ZNF865: variants seen among roughly 807,000 people sequenced by gnomAD.
The protein encoded by ZNF865 is zinc finger protein 865.
For synonymous variants in ZNF865, 763 were observed against 750.8 expected, an observed-to-expected ratio of 1.02 and a Z score of -0.27; for missense variants, 1,311 against 1,593.4, an observed-to-expected ratio of 0.82 and a Z score of 3.02.
At chr19:55,608,389 G>A (rs1422799728) in intron 1 of ZNF865, among the ~76,000 whole-genome samples, 7 of 146,212 alleles carry the variant, frequency 4.8e-5, no homozygotes, top group Admixed American at 7.0e-5. Context: ...ATCTTAGCTC[G>A]CTGCAACCTC....
intron 1 of ZNF865, among the ~76,000 whole-genome samples, chr19:55,608,915 ATT>A: frequency 6.6e-6 from 1 of 152,096 alleles, no homozygotes; most frequent in Non-Finnish European, 1.5e-5. Flanking sequence ...GTCCTCCTTC[ATT>A]TTGGAGGGAG....
Position 55,613,974 on chromosome 19 carries a change from C to T in ZNF865, c.356C>T (p.Ala119Val), listed in dbSNP as rs1442751098. The T allele has an allele frequency of 2.6e-6, 4 of 1,528,376 alleles. No homozygotes were observed. The highest frequency in any genetic ancestry group is 3.5e-6 in the Non-Finnish European group (4 of 1,143,172). 94.7% of individuals were successfully genotyped at this position (1,528,376 alleles called of 1,614,324 possible). Residue 119 changes from alanine to valine, a missense_variant, in exon 2 of 2, where the codon GCC becomes GTC. Ala to Val is a moderately conservative substitution (Grantham distance 64). Transcript: ENST00000568956. ...TCTTCGTCCTCTTCCTCTTCCCAAG[C>T]CAAGAAGCCCGATCCGCCCCTGCCG... ...SSSSSSSSSQ[A>V]KKPDPPLPPA...
In ZNF865 at chr19:55,611,890, G is replaced by A. The variant is rs1488306528; in HGVS notation, c.-26-1703G>A. Among the ~76,000 whole-genome samples, 1 of 152,202 alleles carries A rather than the reference G, an allele frequency of 6.6e-6. No individual in the cohort carries two copies. The highest frequency in any genetic ancestry group is 1.5e-5 in the Non-Finnish European group (1 of 68,044). Reference sequence around the variant, plus strand: ...CGGAGATCAGTTACGGGTGCTGAGGGTCTGGTGTGGTGTGGGGTACACACA... The same window carrying A: ...CGGAGATCAGTTACGGGTGCTGAGGATCTGGTGTGGTGTGGGGTACACACA... On this transcript the variant is annotated intron_variant, in intron 1 of 1. Transcript: ENST00000568956. This position sits in a 1 kb window ranked among gnomAD's most constrained non-coding sequence, Gnocchi z 4.5.
At position 55,615,614 on chromosome 19, in the gene ZNF865, G is replaced by A; in HGVS notation, c.1996G>A (p.Gly666Arg). Residue 666 changes from glycine to arginine, a missense_variant, in exon 2 of 2, where the codon GGG (glycine) becomes AGG (arginine). Gly to Arg is a moderately radical substitution (Grantham distance 125). Transcript: ENST00000568956. ...ASGTSAGPTDGLSYACSDCGE... is the reference protein window; with the variant it reads ...ASGTSAGPTDRLSYACSDCGE... ...GGGCACGTCTGCAGGGCCCACCGAT[G>A]GGCTGAGCTACGCCTGCTCGGACTG... The A allele has an allele frequency of 1.3e-6, 2 of 1,533,852 alleles. No homozygotes were observed. The highest frequency in any genetic ancestry group is 1.7e-6 in the Non-Finnish European group (2 of 1,145,994).
rs778590974 is a variant in ZNF865, at chr19:55,616,476, T to A, written c.2858T>A (p.Leu953Gln). Residue 953 changes from leucine to glutamine, a missense_variant, in exon 2 of 2, where the codon CTG becomes CAG. Transcript: ENST00000568956. ...YRSNLLEHQR[L>Q]HLGERAYRCE... Reference sequence around the variant, plus strand: ...TCCAACCTGCTGGAGCACCAGCGGCTGCACCTGGGCGAGCGCGCCTACCGC... The same window carrying A: ...TCCAACCTGCTGGAGCACCAGCGGCAGCACCTGGGCGAGCGCGCCTACCGC... The A allele has an allele frequency of 3.7e-5, 56 of 1,533,062 alleles. No homozygotes were observed. The highest frequency in any genetic ancestry group is 4.5e-5 in the Non-Finnish European group (52 of 1,145,452). 95.0% of individuals were successfully genotyped at this position (1,533,062 alleles called of 1,614,324 possible).
Position 55,614,259 on chromosome 19 carries a change from G to T in ZNF865, c.641G>T (p.Arg214Leu). Reference sequence around the variant, plus strand: ...ACCAAGGACGACAAGGGCTACTTCCGGAGACTGAAGTACCTGATGGAGCGG... The same window carrying T: ...ACCAAGGACGACAAGGGCTACTTCCTGAGACTGAAGTACCTGATGGAGCGG... ...DPTKDDKGYF[R>L]RLKYLMERRF... The change falls in exon 2 of 2, where the codon CGG becomes CTG. Residue 214 changes from arginine (R) to leucine (L), a missense_variant. By Grantham distance (102) the Arg-to-Leu change is moderately radical. Coordinates refer to ENST00000568956, the MANE Select transcript of ZNF865 (RefSeq NM_001195605.2). The surrounding 1 kb of genome is among the most constrained non-coding windows in gnomAD (Gnocchi z 8.0). 6.6e-7 allele frequency: 1 copy of T among 1,514,774 alleles called. No homozygotes were observed. The highest frequency in any genetic ancestry group is 1.2e-5 in the South Asian group (1 of 82,034). The allele number at this position is 1,514,774 out of a possible 1,614,324, so 93.8% of individuals were successfully genotyped here. A position where few individuals can be genotyped will look rare whatever the true frequency, so the allele number is the denominator to read the frequency against.
Position 55,615,472 on chromosome 19 carries a change from G to T in ZNF865, c.1854G>T (p.Pro618=). The T allele has an allele frequency of 6.6e-7, 1 of 1,507,028 alleles. No homozygotes were observed. The highest frequency in any genetic ancestry group is 8.8e-7 in the Non-Finnish European group (1 of 1,132,790). 93.4% of individuals were successfully genotyped at this position (1,507,028 alleles called of 1,614,324 possible). The change falls in exon 2 of 2, where the codon CCG becomes CCT. Residue 618 remains proline (P), a synonymous_variant. Coordinates refer to ENST00000568956, the MANE Select transcript of ZNF865 (RefSeq NM_001195605.2). ...TCTGCGGCAAGGTCTTCGGCTACCCGCAGAGCCTCACCCGCCACCGCCAGG... is the reference window on the plus strand; with the variant it reads ...TCTGCGGCAAGGTCTTCGGCTACCCTCAGAGCCTCACCCGCCACCGCCAGG... ...CELCGKVFGY[P]QSLTRHRQVH...
In ZNF865 at chr19:55,613,927, CTCTTCGTCCTCCTCGTCGTCA is replaced by C. The variant is rs1048729708; in HGVS notation, c.321_341del (p.Ser111_Ser117del). ...CCTCGTCCTCGTCCTCCTCCTCCTCCTCTTCGTCCTCCTCGTCGTCATCTTCGTCCTCTTCCTCTTCCCAAG... is the reference window on the plus strand; with the variant it reads ...CCTCGTCCTCGTCCTCCTCCTCCTCCTCTTCGTCCTCTTCCTCTTCCCAAG... On this transcript the variant is annotated inframe_deletion, in exon 2 of 2. Coordinates refer to ENST00000568956, the MANE Select transcript of ZNF865 (RefSeq NM_001195605.2). 10 of 1,527,850 alleles carry C rather than the reference CTCTTCGTCCTCCTCGTCGTCA, an allele frequency of 6.5e-6. No homozygotes were observed. Among genetic ancestry groups the C allele is most frequent in the Non-Finnish European group, 8.8e-6 (10 of 1,140,360 alleles). The allele number at this position is 1,527,850 out of a possible 1,614,324, so 94.6% of individuals were successfully genotyped here.
Position 55,616,385 on chromosome 19 carries a change from C to T in ZNF865, c.2767C>T (p.Arg923Trp), listed in dbSNP as rs1433815602. 6.6e-7 allele frequency: 1 copy of T among 1,510,378 alleles called. No individual in the cohort carries two copies. The highest frequency in any genetic ancestry group is 8.8e-7 in the Non-Finnish European group (1 of 1,135,614). The allele number at this position is 1,510,378 out of a possible 1,614,324, so 93.6% of individuals were successfully genotyped here. A position where few individuals can be genotyped will look rare whatever the true frequency, so the allele number is the denominator to read the frequency against. ...FAQSSSLAEHRRLHAVARPQR... is the reference protein window; with the variant it reads ...FAQSSSLAEHWRLHAVARPQR... ...GCAGTCGTCCAGCCTGGCAGAGCAC[C>T]GGCGGCTGCACGCTGTGGCCCGGCC... is the stretch of plus-strand genomic sequence containing the variant. Residue 923 changes from arginine to tryptophan, a missense_variant, in exon 2 of 2, where the codon CGG becomes TGG. Arg to Trp is a moderately radical substitution (Grantham distance 101). Coordinates refer to ENST00000568956, the MANE Select transcript of ZNF865 (RefSeq NM_001195605.2).
At chr19:55,605,782 G>C (rs1461450666) in intron 1 of ZNF865, 50 bp downstream of exon 1, 1 of 152,228 alleles carries the variant, frequency 6.6e-6, no homozygotes, top group African/African-American at 2.4e-5. Flanking sequence ...CGGGGGCGGG[G>C]GGCCCCGCCC....
Position 55,613,961 on chromosome 19 carries a change from T to C in ZNF865, c.343T>C (p.Ser115Pro), listed in dbSNP as rs1193980097. The C allele has an allele frequency of 3.9e-6, 6 of 1,530,672 alleles. No homozygotes were observed. The highest frequency in any genetic ancestry group is 4.4e-6 in the Non-Finnish European group (5 of 1,144,454). The allele number at this position is 1,530,672 out of a possible 1,614,324, so 94.8% of individuals were successfully genotyped here. A position where few individuals can be genotyped will look rare whatever the true frequency, so the allele number is the denominator to read the frequency against. ...CTCCTCGTCGTCATCTTCGTCCTCTTCCTCTTCCCAAGCCAAGAAGCCCGA... is the reference window on the plus strand; with the variant it reads ...CTCCTCGTCGTCATCTTCGTCCTCTCCCTCTTCCCAAGCCAAGAAGCCCGA... ...SSSSSSSSSS[S>P]SSQAKKPDPP... Residue 115 changes from serine (S) to proline (P), a missense_variant, in exon 2 of 2, where the codon TCC becomes CCC. Physicochemically the swap from Ser to Pro is moderately conservative, Grantham distance 74. Coordinates refer to ENST00000568956, the MANE Select transcript of ZNF865 (RefSeq NM_001195605.2).
At chr19:55,606,360 C>T (rs1251743568) in intron 1 of ZNF865, among the ~76,000 whole-genome samples, 3 of 152,174 alleles carry the variant, frequency 2.0e-5, no homozygotes, top group Non-Finnish European at 4.4e-5. Flanking sequence ...AAAGCCACCC[C>T]CCCATCGCAG....
Position 55,615,988 on chromosome 19 carries a change from G to T in ZNF865, c.2370G>T (p.Glu790Asp), listed in dbSNP as rs1981344627. ...GCGGGGGTGCCAGTTCCGGCCCCGAGCGCTTCAGCTGTGCCACGTGCGGCC... is the reference window on the plus strand; with the variant it reads ...GCGGGGGTGCCAGTTCCGGCCCCGATCGCTTCAGCTGTGCCACGTGCGGCC... Reference protein sequence around the residue: ...GAGGGASSGPERFSCATCGQS... With the variant: ...GAGGGASSGPDRFSCATCGQS... Residue 790 changes from glutamate to aspartate, a missense_variant, in exon 2 of 2, where the codon GAG (glutamate) becomes GAT (aspartate). Coordinates refer to ENST00000568956, the MANE Select transcript of ZNF865 (RefSeq NM_001195605.2). 2 of 1,522,468 alleles carry T rather than the reference G, an allele frequency of 1.3e-6. No individual in the cohort carries two copies. The highest frequency in any genetic ancestry group is 1.8e-6 in the Non-Finnish European group (2 of 1,140,766). 94.3% of individuals were successfully genotyped at this position (1,522,468 alleles called of 1,614,324 possible).
At chr19:55,608,368 G>A (rs934500434) in intron 1 of ZNF865, among the ~76,000 whole-genome samples, 2 of 148,052 alleles carry the variant, frequency 1.4e-5, no homozygotes, top group Non-Finnish European at 1.5e-5. Context: ...AGGCTGGAGT[G>A]CAGTGGTGTG....
chr19:55,608,806 G>T (rs1700697358), intron 1 of ZNF865, among the ~76,000 whole-genome samples: 1 of 152,184 alleles, frequency 6.6e-6, no homozygotes, highest in Admixed American at 6.5e-5. Flanking sequence ...TTGGTGACTT[G>T]TTCTGGTCTT....
In ZNF865 at chr19:55,616,403, G is replaced by C. The variant is rs1306915481; in HGVS notation, c.2785G>C (p.Ala929Pro). The part of the protein sequence containing the change: ...LAEHRRLHAV[A>P]RPQRCSACGK... Reference sequence around the variant, plus strand: ...AGAGCACCGGCGGCTGCACGCTGTGGCCCGGCCCCAGCGCTGCAGCGCCTG... The same window carrying C: ...AGAGCACCGGCGGCTGCACGCTGTGCCCCGGCCCCAGCGCTGCAGCGCCTG... The change falls in exon 2 of 2, where the codon GCC becomes CCC. Residue 929 changes from alanine (A) to proline (P), a missense_variant. By Grantham distance (27) the Ala-to-Pro change is conservative. Transcript: ENST00000568956. The C allele has an allele frequency of 8.6e-6, 13 of 1,505,368 alleles. No homozygotes were observed. Among genetic ancestry groups the C allele is most frequent in the Non-Finnish European group, 1.1e-5 (13 of 1,133,022 alleles). 93.3% of individuals were successfully genotyped at this position (1,505,368 alleles called of 1,614,324 possible).
At chr19:55,613,055 G>A (rs1031253729) in intron 1 of ZNF865, 1 of 153,578 alleles carries the variant, frequency 6.5e-6, no homozygotes, top group African/African-American at 2.4e-5. Context: ...ACTGAGTCCA[G>A]AGGCCCCCAG....
chr19:55,607,809 A>AGG (rs1204973426), intron 1 of ZNF865, among the ~76,000 whole-genome samples: 1 of 152,188 alleles, frequency 6.6e-6, no homozygotes, highest in Non-Finnish European at 1.5e-5. Context: ...AGTGATTGGG[A>AGG]GGATGAGCCC....
At chr19:55,610,666 C>T (rs1429241373) in intron 1 of ZNF865, among the ~76,000 whole-genome samples, 1 of 152,190 alleles carries the variant, frequency 6.6e-6, no homozygotes, top group Non-Finnish European at 1.5e-5. Context: ...CACACTGGGC[C>T]AGTGCTACGC....
Sources: allele counts gnomAD v4.1 joint callset (sites outside exome capture counted in the v4.1 genomes callset), GRCh38; gene constraint gnomAD v4.1.1; non-coding constraint Gnocchi (gnomAD v3.1); transcripts MANE v1.5; gene names NCBI Gene and HGNC (gene_info 2026-07-23, HGNC 2026-07-21).